Variants in SRPRB observed in about 807,000 individuals in gnomAD.
The protein encoded by SRPRB is signal recognition particle receptor subunit beta.
In SRPRB, 20 loss-of-function variants were observed where a neutral mutation model predicts 31.9. That is an observed-to-expected ratio of 0.63 (90% confidence interval 0.44 to 0.91). The LOEUF is 0.91. SRPRB is among the 40% of genes least tolerant of loss of function. The pLI, the probability that SRPRB is intolerant of heterozygous loss-of-function variation, is 0.00. For synonymous variants in SRPRB, 146 were observed against 132.8 expected (o/e 1.10, Z -0.68); for missense variants, 321 against 324.9 (o/e 0.99, Z 0.09).
At chr3:133,813,764 A>G (rs1935315237) in intron 4 of SRPRB, among the ~76,000 whole-genome samples, 1 of 152,206 alleles carries the variant, frequency 6.6e-6, no homozygotes, top group African/African-American at 2.4e-5. Flanking sequence ...TTCAAGAGTG[A>G]CACATCATTG....
At chr3:133,802,025 C>CTA (rs1326478585), upstream of SRPRB, among the ~76,000 whole-genome samples, 1 of 152,188 alleles carries the variant, frequency 6.6e-6, no homozygotes, top group Non-Finnish European at 1.5e-5. Context: ...CTGCTCATTA[C>CTA]TATATATCCT....
At chr3:133,786,229 A>G (rs112075170) in intron 1 of SRPRB, 1 of 150,828 alleles carries the variant, frequency 6.6e-6, no homozygotes, top group African/African-American at 2.4e-5. Flanking sequence ...AATTAAAAAA[A>G]AAAAAAAAAA....
upstream of SRPRB, among the ~76,000 whole-genome samples, chr3:133,802,419 A>G (rs1427739611): frequency 6.6e-6 from 1 of 152,124 alleles, no homozygotes; most frequent in Non-Finnish European, 1.5e-5. Flanking sequence ...AAAAAAATTA[A>G]AAGTATTTAG....
chr3:133,819,656 C>T lies in SRPRB; in HGVS notation c.706C>T (p.Gln236Ter), dbSNP rs1215207452. The T allele has an allele frequency of 1.2e-6, 2 of 1,614,226 alleles. No individual in the cohort carries two copies. The highest frequency in any genetic ancestry group is 3.3e-5 in the Admixed American group (2 of 60,018). The change falls in exon 7 of 7, where the codon CAG (glutamine) becomes TAG (stop). Residue 236 changes from glutamine (Q) to a stop codon, truncating the protein, a stop_gained. Coordinates refer to ENST00000678299, the MANE Select transcript of SRPRB (RefSeq NM_001379313.1). LOFTEE classifies it high-confidence loss of function. ...GKKGKEFEFSQLPLKVEFLEC... is the reference protein window; with the variant it reads ...GKKGKEFEFS ...GAAAGGCAAAGAGTTTGAATTCTCA[C>T]AGTTGCCCCTCAAAGTGGAGTTCCT...
intron 3 of SRPRB, chr3:133,810,638 T>C (rs1020185835): frequency 6.6e-6 from 1 of 150,558 alleles, no homozygotes; most frequent in African/African-American, 2.5e-5. Context: ...GTTATAAAGA[T>C]TGGAGATCCC....
At chr3:133,823,273 T>C (rs1935502646), downstream of SRPRB, among the ~76,000 whole-genome samples, 1 of 152,064 alleles carries the variant, frequency 6.6e-6, no homozygotes, top group Non-Finnish European at 1.5e-5. Context: ...TTTTTTGTTT[T>C]GTCGAGACAG....
chr3:133,815,014 C>T (rs1242925907), intron 4 of SRPRB, among the ~76,000 whole-genome samples: 1 of 152,234 alleles, frequency 6.6e-6, no homozygotes, highest in African/African-American at 2.4e-5. Flanking sequence ...CCCTGTGTAC[C>T]AGCTTACCTT....
Position 133,819,556 on chromosome 3 carries a change from C to A in SRPRB, c.606C>A (p.Asn202Lys). The change falls in exon 7 of 7, where the codon AAC becomes AAA. Residue 202 changes from asparagine to lysine, a missense_variant. Transcript: ENST00000678299. ...LIQQQLEKEL[N>K]TLRVTRSAAP... ...CTTCTTTCCTTTTGCCCCACAGCAA[C>A]ACCTTACGAGTTACCCGTTCTGCTG... 6.2e-7 allele frequency: 1 copy of A among 1,610,866 alleles called. No homozygotes were observed. The highest frequency in any genetic ancestry group is 1.1e-5 in the South Asian group (1 of 91,022).
chr3:133,790,973 T>G (rs931807549), intron 1 of SRPRB: 1 of 152,200 alleles, frequency 6.6e-6, no homozygotes, highest in Non-Finnish European at 1.5e-5. Context: ...TTCCTATTTG[T>G]TTTTGCTTCT....
At chr3:133,815,498 G>C in intron 4 of SRPRB, 92 bp from the exon 5 acceptor site, 1 of 1,494,092 alleles carries the variant, frequency 6.7e-7, no homozygotes, top group Non-Finnish European at 9.3e-7. Context: ...TAATCACCAA[G>C]ATTGACTTTG....
At chr3:133,812,710 A>G (rs1298131045) in intron 4 of SRPRB, among the ~76,000 whole-genome samples, 3 of 152,128 alleles carry the variant, frequency 2.0e-5, no homozygotes, top group Non-Finnish European at 2.9e-5. Flanking sequence ...AACATTGCCT[A>G]TTTGATTGTC....
At chr3:133,798,028 A>G (rs55970437) in intron 1 of SRPRB, among the ~76,000 whole-genome samples, 16,749 of 152,292 alleles carry the variant, frequency 0.11, 1,134 homozygotes, top group Middle Eastern at 0.17. Flanking sequence ...GCATTTTAGT[A>G]AAGTGCCTGC....
chr3:133,828,154 C>A (rs1031158895), downstream of SRPRB: 2 of 600,540 alleles, frequency 3.3e-6, no homozygotes, highest in Admixed American at 2.8e-5. Context: ...AGACCTTGGT[C>A]TCAGCTCCAC....
chr3:133,806,365 C>G (rs1935158610), intron 1 of SRPRB, among the ~76,000 whole-genome samples: 1 of 152,268 alleles, frequency 6.6e-6, no homozygotes, highest in Non-Finnish European at 1.5e-5. Context: ...GCTGGGATAC[C>G]AAGGTAGTGA....
intron 1 of SRPRB, chr3:133,786,321 A>C (rs1030006209): frequency 6.6e-6 from 1 of 152,044 alleles, no homozygotes; most frequent in Non-Finnish European, 1.5e-5. Context: ...AAAATAACAC[A>C]TTTTGTAAAT....
chr3:133,784,702 T>G (rs1013584159), intron 1 of SRPRB: 1 of 152,064 alleles, frequency 6.6e-6, no homozygotes, highest in Non-Finnish European at 1.5e-5. Context: ...AGTTTCATCC[T>G]GAAACCATGC....
upstream of SRPRB, chr3:133,805,582 A>C (rs1559889597): frequency 2.8e-6 from 1 of 356,884 alleles, no homozygotes; most frequent in Non-Finnish European, 5.0e-6. Context: ...TCATTCTTTC[A>C]ACAGTCATAA....
In SRPRB at chr3:133,798,283, T is replaced by C. The variant is rs149113923; in HGVS notation, c.-173-7393T>C. On this transcript the variant is annotated intron_variant, in intron 1 of 7. Transcript: ENST00000466490. ...AAGGAAGCATAAAGGGAGAGATATA[T>C]GCAGATATACATTTACATTTTGATG... is the stretch of plus-strand genomic sequence containing the variant. Among the ~76,000 whole-genome samples the C allele has an allele frequency of 2.0e-5, 3 of 152,334 alleles. No homozygotes were observed. The East Asian group carries it at 5.8e-4, about 29-fold the overall frequency.
chr3:133,805,729 G>GC, upstream of SRPRB: 1 of 1,356,014 alleles, frequency 7.4e-7, no homozygotes, highest in Non-Finnish European at 9.8e-7. Context: ...GGGGATCGCC[G>GC]CGGCTGAGGG....
Sources: gnomAD v4.1 joint callset for allele counts (sites outside exome capture counted in the v4.1 genomes callset) on GRCh38, gnomAD v4.1.1 for gene constraint, MANE v1.5 for transcripts, NCBI Gene and HGNC (gene_info 2026-07-23, HGNC 2026-07-21) for gene names.